The following MSI2 variants were observed in gnomAD, a reference collection of about 807,000 sequenced individuals.
The protein encoded by MSI2 is musashi RNA binding protein 2.
MSI2 carries 17 observed loss-of-function variants against 45.6 expected under a neutral mutation model. The observed-to-expected ratio is 0.37, with a 90% CI of 0.26 to 0.56. The LOEUF is 0.56. Among genes scored for constraint, MSI2 ranks in the 20% least tolerant of loss-of-function variants. The pLI is 0.77. For synonymous variants in MSI2, 156 were observed against 158.2 expected, an observed-to-expected ratio of 0.99 and a Z score of 0.11; for missense variants, 293 against 444.2, an observed-to-expected ratio of 0.66 and a Z score of 3.06.
chr17:57,303,980 G>A (rs906995783), intron 5 of MSI2, among the ~76,000 whole-genome samples: 1 of 152,154 alleles, frequency 6.6e-6, no homozygotes, highest in African/African-American at 2.4e-5. Context: ...AGGGAGGAGG[G>A]AAGGGAGTCT....
At chr17:57,263,845 G>A (rs1907532437) in intron 5 of MSI2, 2 of 152,218 alleles carry the variant, frequency 1.3e-5, no homozygotes, top group South Asian at 4.1e-4. Flanking sequence ...ATGTTTGTAG[G>A]TGAATTAACA....
Position 57,575,118 on chromosome 17 carries a change from C to T in MSI2, c.455-21750C>T, listed in dbSNP as rs549895413. Among the ~76,000 whole-genome samples, 20 of 151,682 alleles carry T rather than the reference C, an allele frequency of 1.3e-4. 1 individual carries two copies. In the South Asian group the frequency reaches 4.0e-3, roughly 30 times the overall value. ...GTGCTGGAATTACAGGCGTGAGCCA[C>T]TGTGCCCGGCCGCATTCTCTTTTTT... is the stretch of plus-strand genomic sequence containing the variant. On this transcript the variant is annotated intron_variant, in intron 7 of 13. Transcript: ENST00000284073.
chr17:57,455,849 C>G (rs2085103781), intron 6 of MSI2, among the ~76,000 whole-genome samples: 1 of 152,216 alleles, frequency 6.6e-6, no homozygotes, highest in South Asian at 2.1e-4. Context: ...CCGCAGCACG[C>G]ACACAGGCAC....
chr17:57,300,730 G>C (rs191704630), intron 5 of MSI2, among the ~76,000 whole-genome samples: 2 of 152,192 alleles, frequency 1.3e-5, no homozygotes, highest in African/African-American at 4.8e-5. Context: ...GGTGGAAGGC[G>C]ACAGTCATGT....
At chr17:57,292,686 G>A (rs1910525835) in intron 5 of MSI2, among the ~76,000 whole-genome samples, 1 of 152,212 alleles carries the variant, frequency 6.6e-6, no homozygotes, top group African/African-American at 2.4e-5. Context: ...GTCTCACCTG[G>A]AGATGTGGCT....
At chr17:57,339,690 C>G (rs769679089) in intron 5 of MSI2, among the ~76,000 whole-genome samples, 1 of 152,112 alleles carries the variant, frequency 6.6e-6, no homozygotes, top group Non-Finnish European at 1.5e-5. Flanking sequence ...TGCTCATGCA[C>G]GTTTGCAGTG....
chr17:57,283,113 C>T (rs1909569089), intron 5 of MSI2, among the ~76,000 whole-genome samples: 1 of 152,108 alleles, frequency 6.6e-6, no homozygotes. Context: ...CAGCTGTGTT[C>T]TCTGTGTGGG....
intron 11 of MSI2, among the ~76,000 whole-genome samples, chr17:57,669,348 C>T (rs1912604645): frequency 6.6e-6 from 1 of 152,176 alleles, no homozygotes; most frequent in Admixed American, 6.5e-5. Flanking sequence ...CTGTTGACAG[C>T]CAACTGGCAT....
At chr17:57,567,751 A>C (rs527366594) in intron 7 of MSI2, among the ~76,000 whole-genome samples, 1 of 152,296 alleles carries the variant, frequency 6.6e-6, no homozygotes, top group Admixed American at 6.5e-5. Context: ...AGATGATCTG[A>C]TTACCTGTCC....
chr17:57,588,258 T>C (rs984062276), intron 7 of MSI2, among the ~76,000 whole-genome samples: 2 of 152,162 alleles, frequency 1.3e-5, no homozygotes, highest in Non-Finnish European at 2.9e-5. Flanking sequence ...CCTGGAAGTC[T>C]TTGTTCTTAA....
chr17:57,666,381 T>A (rs62058156), intron 11 of MSI2, among the ~76,000 whole-genome samples: 5 of 152,098 alleles, frequency 3.3e-5, no homozygotes, highest in African/African-American at 9.7e-5. Context: ...GTGAAACACC[T>A]ACCAACATGC....
At chr17:57,642,216 T>C (rs1312798760) in intron 10 of MSI2, among the ~76,000 whole-genome samples, 1 of 152,210 alleles carries the variant, frequency 6.6e-6, no homozygotes, top group African/African-American at 2.4e-5. Context: ...TAGTTTTTTT[T>C]AACTGAATTG....
At chr17:57,537,078 T>C (rs958122924) in intron 7 of MSI2, among the ~76,000 whole-genome samples, 2 of 151,516 alleles carry the variant, frequency 1.3e-5, no homozygotes, top group Admixed American at 1.3e-4. Context: ...ACTTGAAGAG[T>C]TTCCATTGGA....
intron 8 of MSI2, chr17:57,608,161 C>G (rs1598446062): frequency 6.5e-6 from 1 of 152,734 alleles, no homozygotes; most frequent in East Asian, 1.9e-4. Context: ...CTTCCCAGCA[C>G]AGCTGCCAGG....
At chr17:57,479,004 A>G (rs1042542688) in intron 6 of MSI2, among the ~76,000 whole-genome samples, 9 of 152,090 alleles carry the variant, frequency 5.9e-5, no homozygotes, top group African/African-American at 1.7e-4. Context: ...ATGGAGCTTA[A>G]TTCTGGCAAA....
chr17:57,662,938 C>T (rs541998147), intron 11 of MSI2, among the ~76,000 whole-genome samples: 24 of 152,354 alleles, frequency 1.6e-4, no homozygotes, highest in Non-Finnish European at 2.8e-4. Flanking sequence ...GGAAGGGAAC[C>T]TTTAGCTGAA....
At chr17:57,396,669 T>C (rs1381828354) in intron 5 of MSI2, among the ~76,000 whole-genome samples, 1 of 152,222 alleles carries the variant, frequency 6.6e-6, no homozygotes, top group African/African-American at 2.4e-5. Context: ...TGGGGTTTTC[T>C]TTATGGAGCC....
intron 11 of MSI2, among the ~76,000 whole-genome samples, chr17:57,674,715 T>A (rs1422347313): frequency 6.6e-6 from 1 of 152,214 alleles, no homozygotes; most frequent in African/African-American, 2.4e-5. Context: ...TGATTGTTTT[T>A]TTATTCTCTA....
intron 6 of MSI2, among the ~76,000 whole-genome samples, chr17:57,487,149 A>C (rs1383625355): frequency 6.6e-6 from 1 of 152,164 alleles, no homozygotes; most frequent in Non-Finnish European, 1.5e-5. Flanking sequence ...TCACGGGGTG[A>C]GGGAGGAGGC....
Sources: allele counts gnomAD v4.1 joint callset (sites outside exome capture counted in the v4.1 genomes callset), GRCh38; gene constraint gnomAD v4.1.1; transcripts MANE v1.5; gene names NCBI Gene and HGNC (gene_info 2026-07-23, HGNC 2026-07-21).